Variants in NSMCE2 observed in about 807,000 individuals in gnomAD.
NSMCE2 encodes NSE2 SUMO ligase component of SMC5/6 complex.
Under a neutral mutation model 23.8 loss-of-function variants are expected in NSMCE2, and 24 were observed. The ratio of observed to expected loss-of-function variants is 1.01; its 90% CI spans 0.73 to 1.42. The LOEUF is 1.42. Among genes scored for constraint, NSMCE2 ranks in the 40% most tolerant of loss-of-function variants. NSMCE2 has a pLI of 0.00. For synonymous variants in NSMCE2, 92 were observed against 94.1 expected, an observed-to-expected ratio of 0.98 and a Z score of 0.13; for missense variants, 284 against 296.5, an observed-to-expected ratio of 0.96 and a Z score of 0.31.
In NSMCE2 at chr8:125,272,643, A is replaced by G. The variant is rs1827251858; in HGVS notation, c.419-84576A>G. ...TAACCTTAACACTTTATACTGCCAC[A>G]ATAAAACAGTTATAGAAATTGCCTT... is the stretch of plus-strand genomic sequence containing the variant. On this transcript the variant is annotated intron_variant, in intron 5 of 7. Coordinates refer to ENST00000287437, the MANE Select transcript of NSMCE2 (RefSeq NM_173685.4). Among the ~76,000 whole-genome samples the G allele has an allele frequency of 1.6e-5, 2 of 128,040 alleles. 1 individual carries two copies. Among genetic ancestry groups the G allele is most frequent in the African/African-American group, 6.1e-5 (2 of 32,732 alleles). 84.0% of individuals were successfully genotyped at this position (128,040 alleles called of 152,430 possible).
chr8:125,102,758 A>G (rs560815076), intron 3 of NSMCE2, among the ~76,000 whole-genome samples: 1 of 152,288 alleles, frequency 6.6e-6, no homozygotes, highest in East Asian at 1.9e-4. Context: ...GGAGCATACA[A>G]TCTAAAGTAT....
intron 1 of NSMCE2, among the ~76,000 whole-genome samples, chr8:125,099,795 C>T (rs149371509): frequency 4.6e-5 from 7 of 152,136 alleles, no homozygotes; most frequent in Non-Finnish European, 8.8e-5. Flanking sequence ...AATCTACAGA[C>T]GAGTTTTGCT....
intron 5 of NSMCE2, among the ~76,000 whole-genome samples, chr8:125,206,551 A>T (rs1049079332): frequency 6.6e-6 from 1 of 152,212 alleles, no homozygotes; most frequent in Non-Finnish European, 1.5e-5. Flanking sequence ...AGTAGTATCT[A>T]TAGGATTTGT....
intron 5 of NSMCE2, among the ~76,000 whole-genome samples, chr8:125,267,989 G>A (rs1165349498): frequency 2.0e-5 from 3 of 151,852 alleles, no homozygotes; most frequent in Non-Finnish European, 4.4e-5. Flanking sequence ...AGCACTTTGG[G>A]AAGCTGAGGT....
At chr8:125,150,426 CT>C (rs71295819) in intron 3 of NSMCE2, among the ~76,000 whole-genome samples, 5,288 of 61,822 alleles carry the variant, frequency 0.086, 22 homozygotes, top group Middle Eastern at 0.14. Context: ...TTCTTTCTTT[CT>C]TTTTTTTTTT....
At chr8:125,309,793 A>G (rs1828910218) in intron 5 of NSMCE2, among the ~76,000 whole-genome samples, 1 of 152,194 alleles carries the variant, frequency 6.6e-6, no homozygotes, top group Non-Finnish European at 1.5e-5. Flanking sequence ...GGACTTCTCA[A>G]TCAAAAAGTT....
At chr8:125,131,132 C>T (rs1819754616) in intron 3 of NSMCE2, among the ~76,000 whole-genome samples, 1 of 152,214 alleles carries the variant, frequency 6.6e-6, no homozygotes, top group East Asian at 1.9e-4. Flanking sequence ...GATTCTATTA[C>T]AGGATCCCCT....
chr8:125,192,329 G>T (rs1429618147), intron 5 of NSMCE2, among the ~76,000 whole-genome samples: 17 of 143,014 alleles, frequency 1.2e-4, no homozygotes, highest in African/African-American at 4.1e-4. Flanking sequence ...TTTTTAAAAG[G>T]TTTTTTTTTT....
At chr8:125,287,390 T>C (rs912368506) in intron 5 of NSMCE2, among the ~76,000 whole-genome samples, 1 of 152,168 alleles carries the variant, frequency 6.6e-6, no homozygotes, top group African/African-American at 2.4e-5. Flanking sequence ...CTGGAGTTGC[T>C]ACAAGCCCAG....
intron 5 of NSMCE2, among the ~76,000 whole-genome samples, chr8:125,265,512 C>CA (rs1351362404): frequency 6.6e-6 from 1 of 152,206 alleles, no homozygotes; most frequent in Non-Finnish European, 1.5e-5. Flanking sequence ...TGAGCCACTG[C>CA]ACCTAGTCTT....
chr8:125,227,342 G>A (rs1029346838), intron 5 of NSMCE2, among the ~76,000 whole-genome samples: 7 of 152,182 alleles, frequency 4.6e-5, no homozygotes, highest in South Asian at 2.1e-4. Flanking sequence ...GTGAGAAGAT[G>A]TGGGCAACAG....
At chr8:125,359,417 T>G (rs951356589) in intron 7 of NSMCE2, among the ~76,000 whole-genome samples, 8 of 136,542 alleles carry the variant, frequency 5.9e-5, no homozygotes, top group African/African-American at 2.1e-4. Flanking sequence ...TACCACAACC[T>G]CCGTCTCCCA....
intron 4 of NSMCE2, among the ~76,000 whole-genome samples, chr8:125,175,187 A>G (rs1309697418): frequency 6.6e-6 from 1 of 152,022 alleles, no homozygotes; most frequent in African/African-American, 2.4e-5. Flanking sequence ...CCTGTGCATG[A>G]CGAATTGGGT....
intron 5 of NSMCE2, among the ~76,000 whole-genome samples, chr8:125,307,829 G>A (rs1365525695): frequency 6.6e-6 from 1 of 152,192 alleles, no homozygotes; most frequent in Non-Finnish European, 1.5e-5. Context: ...TGTGGTCTCA[G>A]AGGACAGACA....
At chr8:125,296,914 T>C (rs1457357660) in intron 5 of NSMCE2, among the ~76,000 whole-genome samples, 1 of 152,232 alleles carries the variant, frequency 6.6e-6, no homozygotes, top group African/African-American at 2.4e-5. Flanking sequence ...ACAGTGCTTA[T>C]ACTGATTTTT....
intron 5 of NSMCE2, among the ~76,000 whole-genome samples, chr8:125,246,960 A>G (rs1825994108): frequency 6.6e-6 from 1 of 151,994 alleles, no homozygotes; most frequent in Non-Finnish European, 1.5e-5. Flanking sequence ...ACCAATCTCC[A>G]GTATACTATA....
intron 3 of NSMCE2, among the ~76,000 whole-genome samples, chr8:125,108,704 A>G (rs913908058): frequency 1.3e-5 from 2 of 152,226 alleles, no homozygotes; most frequent in Non-Finnish European, 2.9e-5. Context: ...TGTGATGTGA[A>G]GAGGGTAAGA....
intron 3 of NSMCE2, among the ~76,000 whole-genome samples, chr8:125,103,831 CT>C (rs57421278): frequency 1.5e-4 from 23 of 151,052 alleles, no homozygotes; most frequent in African/African-American, 3.9e-4. Flanking sequence ...TAAGTAGAAT[CT>C]TTTTTTTTAG....
intron 5 of NSMCE2, among the ~76,000 whole-genome samples, chr8:125,241,211 T>C (rs11998130): frequency 6.6e-6 from 1 of 152,208 alleles, no homozygotes; most frequent in Non-Finnish European, 1.5e-5. Flanking sequence ...TTAAGGATAC[T>C]GAACCTGAAT....
Sources: allele counts gnomAD v4.1 joint callset (sites outside exome capture counted in the v4.1 genomes callset), GRCh38; gene constraint gnomAD v4.1.1; transcripts MANE v1.5; gene names NCBI Gene and HGNC (gene_info 2026-07-23, HGNC 2026-07-21).